The following AKAP13 variants were observed in gnomAD, a reference collection of about 807,000 sequenced individuals.
The protein encoded by AKAP13 is A-kinase anchoring protein 13, also known as A-kinase anchor protein 13.
AKAP13 carries 80 observed loss-of-function variants against 264.5 expected under a neutral mutation model. The ratio of observed to expected loss-of-function variants is 0.30; its 90% CI spans 0.25 to 0.36. The LOEUF (loss-of-function observed/expected upper bound fraction) is 0.36, where lower values mean the gene tolerates loss of function less well. Ranked by LOEUF, AKAP13 falls within the 10% of genes least tolerant of loss-of-function variation. The pLI is 1.00. For missense variants in AKAP13, 3,712 were observed against 3,435.2 expected (o/e 1.08, Z -2.01); for synonymous variants, 1,380 against 1,250.2 (o/e 1.10, Z -2.19).
At chr15:85,693,255 AT>A in intron 16 of AKAP13, 21 bp from the exon 17 acceptor site, 1 of 1,583,214 alleles carries the variant, frequency 6.3e-7, no homozygotes, top group Non-Finnish European at 8.5e-7. Flanking sequence ...TTAACTGTGG[AT>A]TATTTTCTTT....
chr15:85,534,052 A>T (rs369789856), intron 4 of AKAP13, 172 bp downstream of exon 4: 10 of 657,820 alleles, frequency 1.5e-5, no homozygotes, highest in Non-Finnish European at 2.4e-5. Flanking sequence ...AGGTTCTTCA[A>T]TTGAGCTGTT....
chr15:85,722,019 A>G lies in AKAP13; in HGVS notation c.6281A>G (p.Lys2094Arg). 1.2e-6 allele frequency: 2 copies of G among 1,614,162 alleles called. No homozygotes were observed. The highest frequency in any genetic ancestry group is 1.7e-6 in the Non-Finnish European group (2 of 1,179,960). The change falls in exon 24 of 37, where the codon AAG becomes AGG. Residue 2094 changes from lysine to arginine, a missense_variant. Transcript: ENST00000394518. ...TCAGGTGAGAATGCAGAACGTTTAA[A>G]GAAGACATATGGCAAGTTTTGTGGG... ...QFSGENAERL[K>R]KTYGKFCGQH...
At position 85,735,565 on chromosome 15, in the gene AKAP13, G is replaced by A. The variant is rs1318350907; in HGVS notation, c.7447G>A (p.Glu2483Lys). ...CAACCCTATTTTTTGTTTAGGAGGC[G>A]AGAAGGAAGAGGGAGATGATGGCCA... ...SHQMNASKGG[E>K]KEEGDDGQDL... The change falls in exon 32 of 37, where the codon GAG becomes AAG. Residue 2483 changes from glutamate (E) to lysine (K), a missense_variant. Transcript: ENST00000394518. 3.1e-6 allele frequency: 5 copies of A among 1,606,862 alleles called. No individual in the cohort carries two copies. The highest frequency in any genetic ancestry group is 2.2e-5 in the East Asian group (1 of 44,816).
At chr15:85,741,916 G>A (rs1233814092) in intron 35 of AKAP13, among the ~76,000 whole-genome samples, 1 of 151,950 alleles carries the variant, frequency 6.6e-6, no homozygotes, top group Non-Finnish European at 1.5e-5. Flanking sequence ...GTGGTGGCAG[G>A]CGCCTATAAT....
chr15:85,707,246 CT>C (rs2086342228), intron 17 of AKAP13, among the ~76,000 whole-genome samples: 1 of 152,204 alleles, frequency 6.6e-6, no homozygotes, highest in Admixed American at 6.5e-5. Context: ...GATGGTAAGC[CT>C]TCTGAGACAC....
At chr15:85,659,057 A>T (rs2083223730) in intron 12 of AKAP13, among the ~76,000 whole-genome samples, 1 of 152,200 alleles carries the variant, frequency 6.6e-6, no homozygotes. Flanking sequence ...CTTTATTACT[A>T]GGCCACCTGG....
intron 1 of AKAP13, among the ~76,000 whole-genome samples, chr15:85,445,004 T>C (rs1030919725): frequency 6.6e-6 from 1 of 152,340 alleles, no homozygotes; most frequent in African/African-American, 2.4e-5. Flanking sequence ...TGTATTCTCT[T>C]AAAGTATATA....
Position 85,581,819 on chromosome 15 carries a change from G to T in AKAP13, c.3751G>T (p.Ala1251Ser). The T allele has an allele frequency of 6.2e-7, 1 of 1,614,194 alleles. No homozygotes were observed. The highest frequency in any genetic ancestry group is 1.7e-5 in the Admixed American group (1 of 60,020). Residue 1251 changes from alanine (A) to serine (S), a missense_variant, in exon 7 of 37, where the codon GCT becomes TCT. Transcript: ENST00000394518. ...TAAGGGGGCAGACTTGATAGAGGAG[G>T]CTGCCAGCCGTATAGTGGATGCTGT... ...LPKGADLIEE[A>S]ASRIVDAVIE...
chr15:85,517,384 AG>A (rs2076645962), intron 2 of AKAP13, among the ~76,000 whole-genome samples: 1 of 150,876 alleles, frequency 6.6e-6, no homozygotes, highest in African/African-American at 2.4e-5. Flanking sequence ...TACTTTTCCC[AG>A]TTAAAGGAAA....
At chr15:85,602,925 A>G (rs748429087) in intron 8 of AKAP13, among the ~76,000 whole-genome samples, 1 of 152,222 alleles carries the variant, frequency 6.6e-6, no homozygotes, top group South Asian at 2.1e-4. Context: ...CAGAAACTCA[A>G]ATTTGTTAAT....
intron 17 of AKAP13, among the ~76,000 whole-genome samples, chr15:85,699,444 CA>C (rs34147153): frequency 0.15 from 21,082 of 141,392 alleles, 1,954 homozygotes; most frequent in East Asian, 0.35. Context: ...AACTCTATCT[CA>C]AAAAAAAAAA....
chr15:85,525,302 C>T (rs191516762), intron 3 of AKAP13, among the ~76,000 whole-genome samples: 126 of 152,240 alleles, frequency 8.3e-4, no homozygotes, highest in African/African-American at 2.9e-3. Flanking sequence ...TCGTGATCCA[C>T]CTGCCTTGGC....
At position 85,639,441 on chromosome 15, in the gene AKAP13, A is replaced by G; in HGVS notation, c.4229A>G (p.Gln1410Arg). 6.2e-7 allele frequency: 1 copy of G among 1,611,910 alleles called. No individual in the cohort carries two copies. The highest frequency in any genetic ancestry group is 8.5e-7 in the Non-Finnish European group (1 of 1,178,432). ...PDAASLLASK[Q>R]SPECENFLDV... ...GCAGCATCTCTTCTGGCTTCCAAGC[A>G]GAGCCCAGGTAAGCTGAGATTATCC... is the stretch of plus-strand genomic sequence containing the variant. The change falls in exon 9 of 37, where the codon CAG (glutamine) becomes CGG (arginine). Residue 1410 changes from glutamine to arginine, a missense_variant. Physicochemically the swap from Gln to Arg is conservative, Grantham distance 43. This residue lies in a region of AKAP13 where 2,759 missense variants were observed against 2,411.7 expected (regional missense o/e 1.14). Coordinates refer to ENST00000394518, the MANE Select transcript of AKAP13 (RefSeq NM_007200.5).
At chr15:85,696,699 C>G (rs1454421254) in intron 17 of AKAP13, among the ~76,000 whole-genome samples, 1 of 152,086 alleles carries the variant, frequency 6.6e-6, no homozygotes, top group Non-Finnish European at 1.5e-5. Flanking sequence ...ATATAAAATG[C>G]TAAATAAAAT....
chr15:85,652,872 A>C (rs1003550496), intron 10 of AKAP13, among the ~76,000 whole-genome samples: 1 of 152,038 alleles, frequency 6.6e-6, no homozygotes, highest in Non-Finnish European at 1.5e-5. Context: ...TCTTGCAGGG[A>C]CACCATTTGT....
intron 2 of AKAP13, chr15:85,520,735 T>C (rs2076792894): frequency 3.9e-6 from 2 of 518,574 alleles, no homozygotes; most frequent in African/African-American, 3.9e-5. Flanking sequence ...TTGAACATGT[T>C]CCAGGAGCTT....
chr15:85,427,343 A>G (rs1193741691), intron 1 of AKAP13, among the ~76,000 whole-genome samples: 1 of 151,990 alleles, frequency 6.6e-6, no homozygotes, highest in Non-Finnish European at 1.5e-5. Flanking sequence ...ATGGGAATAA[A>G]CAACACTAGT....
chr15:85,659,061 C>T (rs2083224031), intron 12 of AKAP13, among the ~76,000 whole-genome samples: 1 of 152,084 alleles, frequency 6.6e-6, no homozygotes, highest in Non-Finnish European at 1.5e-5. Flanking sequence ...ATTACTAGGC[C>T]ACCTGGCATT....
chr15:85,554,794 A>G (rs562580226), intron 5 of AKAP13, among the ~76,000 whole-genome samples: 2 of 152,328 alleles, frequency 1.3e-5, no homozygotes, highest in South Asian at 4.1e-4. Flanking sequence ...GCGCAGAGAA[A>G]TTTAAGTAGT....
Sources: gnomAD v4.1 joint callset for allele counts (sites outside exome capture counted in the v4.1 genomes callset) on GRCh38, gnomAD v4.1.1 for gene constraint, gnomAD v4.1.1 regional missense constraint, MANE v1.5 for transcripts, NCBI Gene and HGNC (gene_info 2026-07-23, HGNC 2026-07-21) for gene names.